PHLPP1: variants seen among roughly 807,000 people sequenced by gnomAD.
The protein encoded by PHLPP1 is PH domain leucine-rich repeat-containing protein phosphatase 1.
A neutral mutation model predicts 117.2 loss-of-function variants in PHLPP1; 42 were observed. The observed-to-expected ratio is 0.36, with a 90% CI of 0.28 to 0.46. The LOEUF (loss-of-function observed/expected upper bound fraction) is 0.46. PHLPP1 is among the 20% of genes least tolerant of loss of function. The pLI is 1.00. For synonymous variants in PHLPP1, 1,042 were observed against 970.7 expected (o/e 1.07, Z -1.37); for missense variants, 2,084 against 2,241.9 (o/e 0.93, Z 1.42).
At position 62,716,074 on chromosome 18, in the gene PHLPP1, TCCGCGGCCG is replaced by T. The variant is rs755438608; in HGVS notation, c.403_411del (p.Ala135_Ala137del). The T allele has an allele frequency of 3.6e-4, 529 of 1,486,830 alleles. 2 individuals carry two copies. The highest frequency in any genetic ancestry group is 8.0e-4 in the South Asian group (62 of 77,594). The allele number at this position is 1,486,830 out of a possible 1,614,324, so 92.1% of individuals were successfully genotyped here. On this transcript the variant is annotated inframe_deletion, in exon 1 of 17. Transcript: ENST00000262719. This position sits in a 1 kb window ranked among gnomAD's most constrained non-coding sequence, Gnocchi z 5.7. ...GAGAGGGCGGCTGAAGAGGAATCTG[TCCGCGGCCG>T]CCGCGGCCGCCTCCTCGTCGTCGTC... is the stretch of plus-strand genomic sequence containing the variant.
chr18:62,904,257 A>C (rs1916792939), intron 7 of PHLPP1, among the ~76,000 whole-genome samples: 1 of 152,226 alleles, frequency 6.6e-6, no homozygotes, highest in East Asian at 1.9e-4. Flanking sequence ...AAAACAGGGA[A>C]TTCTGAACCC....
At position 62,921,429 on chromosome 18, in the gene PHLPP1, G is replaced by A. The variant is rs192585016; in HGVS notation, c.2960+1315G>A. Reference sequence around the variant, plus strand: ...CGTCTGCGATCTCTGTCTCTCCTAAGCCGAATTAGATTTCCCACTGCATGT... The same window carrying A: ...CGTCTGCGATCTCTGTCTCTCCTAAACCGAATTAGATTTCCCACTGCATGT... On this transcript the variant is annotated intron_variant, in intron 10 of 16. Transcript: ENST00000262719. 3.1e-3 allele frequency among the ~76,000 whole-genome samples: 479 copies of A among 152,288 alleles called. 9 individuals carry two copies. The highest frequency in any genetic ancestry group is 0.025 in the Admixed American group (379 of 15,292).
At chr18:62,730,277 T>A (rs1911191015) in intron 1 of PHLPP1, among the ~76,000 whole-genome samples, 2 of 152,242 alleles carry the variant, frequency 1.3e-5, no homozygotes, top group African/African-American at 4.8e-5. Context: ...TCTTACCTGC[T>A]GCACGAGGTT....
chr18:62,941,969 T>A (rs1452035212), intron 11 of PHLPP1, 51 bp downstream of exon 11: 2 of 1,428,786 alleles, frequency 1.4e-6, no homozygotes, highest in Admixed American at 1.8e-5. Flanking sequence ...TCAAAGTGTA[T>A]TCATAGAAAG....
intron 3 of PHLPP1, among the ~76,000 whole-genome samples, chr18:62,847,811 A>G (rs1024163536): frequency 3.3e-5 from 5 of 152,212 alleles, no homozygotes; most frequent in African/African-American, 4.8e-5. Flanking sequence ...GGCATTTCCA[A>G]CATCTGTAGT....
chr18:62,823,716 A>G (rs916093771), intron 1 of PHLPP1, among the ~76,000 whole-genome samples: 2 of 152,048 alleles, frequency 1.3e-5, no homozygotes, highest in Non-Finnish European at 2.9e-5. Flanking sequence ...CAGGATTTGA[A>G]TAGTTACTTT....
At chr18:62,852,638 C>T (rs555627163) in intron 3 of PHLPP1, among the ~76,000 whole-genome samples, 62 of 152,288 alleles carry the variant, frequency 4.1e-4, no homozygotes, top group African/African-American at 1.3e-3. Flanking sequence ...CCACCATGCC[C>T]GGCAGGTTGA....
At chr18:62,882,946 TAAA>T (rs35265223) in intron 4 of PHLPP1, among the ~76,000 whole-genome samples, 1 of 121,496 alleles carries the variant, frequency 8.2e-6, no homozygotes, top group Admixed American at 8.6e-5. Context: ...GACCACATCT[TAAA>T]AAAAAAAAAA....
At chr18:62,930,676 C>T (rs1286064164) in intron 10 of PHLPP1, among the ~76,000 whole-genome samples, 1 of 152,220 alleles carries the variant, frequency 6.6e-6, no homozygotes, top group African/African-American at 2.4e-5. Context: ...TTAAATTTGA[C>T]ATTTGACCAA....
chr18:62,823,579 A>G (rs975317989), intron 1 of PHLPP1, among the ~76,000 whole-genome samples: 1 of 149,532 alleles, frequency 6.7e-6, no homozygotes, highest in Non-Finnish European at 1.5e-5. Context: ...ATATCTATAT[A>G]TATCTACATA....
At chr18:62,816,498 C>T (rs929774190) in intron 1 of PHLPP1, among the ~76,000 whole-genome samples, 3 of 151,952 alleles carry the variant, frequency 2.0e-5, no homozygotes, top group South Asian at 2.1e-4. Flanking sequence ...ACCTGGGAGG[C>T]GGAGGTTGCA....
chr18:62,719,363 G>A (rs536330920), intron 1 of PHLPP1, among the ~76,000 whole-genome samples: 4 of 152,316 alleles, frequency 2.6e-5, no homozygotes, highest in African/African-American at 9.6e-5. Flanking sequence ...TTATTCATTT[G>A]CAGTAGAACA....
At chr18:62,846,117 G>A (rs1484293271) in intron 3 of PHLPP1, among the ~76,000 whole-genome samples, 1 of 149,562 alleles carries the variant, frequency 6.7e-6, no homozygotes, top group Non-Finnish European at 1.5e-5. Context: ...GCTGAGGCAG[G>A]AGAATTGCTT....
Position 62,873,000 on chromosome 18 carries a change from A to AG in PHLPP1, c.2066+12399_2066+12400insG, listed in dbSNP as rs1915943631. Among the ~76,000 whole-genome samples, 6 of 147,972 alleles carry AG rather than the reference A, an allele frequency of 4.1e-5. No homozygotes were observed. The South Asian group carries it at 8.8e-4, about 22-fold the overall frequency. ...AAACTCTGCCTCAAAAAAAAAAAAA[A>AG]AAAAAAAGAAAAGGGGAGGTCAGAG... On this transcript the variant is annotated intron_variant, in intron 4 of 16. Coordinates refer to ENST00000262719, the MANE Select transcript of PHLPP1 (RefSeq NM_194449.4).
intron 13 of PHLPP1, among the ~76,000 whole-genome samples, chr18:62,960,973 T>A (rs1910750266): frequency 6.6e-6 from 1 of 152,184 alleles, no homozygotes; most frequent in Non-Finnish European, 1.5e-5. Flanking sequence ...GAGATTGAGC[T>A]GTGGTTCACA....
chr18:62,952,182 T>TC (rs1910482532), intron 12 of PHLPP1, among the ~76,000 whole-genome samples: 1 of 151,838 alleles, frequency 6.6e-6, no homozygotes, highest in Non-Finnish European at 1.5e-5. Flanking sequence ...TTCCAACACT[T>TC]TGGGTGGCTG....
At chr18:62,883,495 C>G (rs1317957827) in intron 4 of PHLPP1, among the ~76,000 whole-genome samples, 1 of 152,128 alleles carries the variant, frequency 6.6e-6, no homozygotes, top group Non-Finnish European at 1.5e-5. Context: ...TTGAAATGAC[C>G]TATGTAATTT....
intron 4 of PHLPP1, among the ~76,000 whole-genome samples, chr18:62,879,549 TTACAGGCGTG>T (rs1211991967): frequency 3.9e-5 from 6 of 152,034 alleles, no homozygotes; most frequent in Admixed American, 3.3e-4. Flanking sequence ...GTAGCTTGGA[TTACAGGCGTG>T]TGCCACCACG....
At position 62,775,409 on chromosome 18, in the gene PHLPP1, A is replaced by G. The variant is rs113925450; in HGVS notation, c.1577-54626A>G. Among the ~76,000 whole-genome samples, 206 of 152,256 alleles carry G rather than the reference A, an allele frequency of 1.4e-3. 1 individual carries two copies. Among genetic ancestry groups the G allele is most frequent in the African/African-American group, 4.7e-3 (195 of 41,572 alleles). ...CCACCGCGCCCAGCCCACTAATAAG[A>G]CATTCCTTTTCTTTACTTGCTATCT... On this transcript the variant is annotated intron_variant, in intron 1 of 16. Transcript: ENST00000262719.
Sources: gnomAD v4.1 joint callset for allele counts (sites outside exome capture counted in the v4.1 genomes callset) on GRCh38, gnomAD v4.1.1 for gene constraint, Gnocchi (gnomAD v3.1) non-coding constraint, MANE v1.5 for transcripts, NCBI Gene and HGNC (gene_info 2026-07-23, HGNC 2026-07-21) for gene names.